ARID5B: variants seen among roughly 807,000 people sequenced by gnomAD.
The protein encoded by ARID5B is AT-rich interactive domain-containing protein 5B.
Under a neutral mutation model 97.2 loss-of-function variants are expected in ARID5B, and 13 were observed. That is an observed-to-expected ratio of 0.13 (90% CI 0.09 to 0.21). ARID5B has a LOEUF of 0.21. ARID5B is among the 10% of genes least tolerant of loss of function. ARID5B has a pLI of 1.00. For synonymous variants in ARID5B, 556 were observed against 570.3 expected (o/e 0.97, Z 0.36); for missense variants, 1,210 against 1,465.3 (o/e 0.83, Z 2.84).
intron 3 of ARID5B, among the ~76,000 whole-genome samples, chr10:61,981,687 T>C (rs1223600614): frequency 6.6e-6 from 1 of 152,210 alleles, no homozygotes; most frequent in East Asian, 1.9e-4. Context: ...AAACTGGACC[T>C]TATCTTACCT....
intron 2 of ARID5B, 115 bp from the exon 3 acceptor site, chr10:61,940,068 C>T (rs972683290): frequency 1.2e-5 from 10 of 838,208 alleles, no homozygotes; most frequent in Non-Finnish European, 5.9e-6. Context: ...ACACAGTCTC[C>T]TTGCATTAGG....
At chr10:61,919,858 T>A (rs80148569) in intron 2 of ARID5B, among the ~76,000 whole-genome samples, 9 of 152,108 alleles carry the variant, frequency 5.9e-5, no homozygotes, top group Admixed American at 5.9e-4. Context: ...TTTTTTTTTT[T>A]AAATGCAGAT....
intron 3 of ARID5B, among the ~76,000 whole-genome samples, chr10:61,972,481 G>A (rs552821258): frequency 5.9e-5 from 9 of 152,022 alleles, no homozygotes; most frequent in East Asian, 5.8e-4. Context: ...CACCTGCCTC[G>A]GCCTCCCAAA....
intron 3 of ARID5B, among the ~76,000 whole-genome samples, chr10:61,950,090 C>A (rs1430182814): frequency 1.3e-5 from 2 of 152,196 alleles, no homozygotes; most frequent in Non-Finnish European, 2.9e-5. Context: ...AGACTGCAAC[C>A]TCTGCCTTCC....
Position 62,090,884 on chromosome 10 carries a change from A to T in ARID5B, c.1421A>T (p.Glu474Val), listed in dbSNP as rs1329998518. Residue 474 changes from glutamate to valine, a missense_variant, in exon 10 of 10, where the codon GAA (glutamate) becomes GTA (valine). Physicochemically the swap from Glu to Val is moderately radical, Grantham distance 121. Transcript: ENST00000279873. ...CAGGTTTCATCAGAGCAAGAAAAAG[A>T]ACAAGAGACTTTAATAAGCCAGAAA... ...AAEVSSEQEK[E>V]QETLISQKSI... is the part of the protein sequence containing the mutation. The T allele has an allele frequency of 6.3e-7, 1 of 1,588,782 alleles. No individual in the cohort carries two copies. Among genetic ancestry groups the T allele is most frequent in the Admixed American group, 1.9e-5 (1 of 51,856 alleles).
At chr10:62,013,276 C>T (rs1219977354) in intron 4 of ARID5B, among the ~76,000 whole-genome samples, 2 of 152,068 alleles carry the variant, frequency 1.3e-5, no homozygotes, top group Non-Finnish European at 2.9e-5. Context: ...CTGCCTCAGA[C>T]CTTCAGAATT....
intron 3 of ARID5B, among the ~76,000 whole-genome samples, chr10:61,977,011 C>T (rs1008982238): frequency 3.9e-5 from 6 of 152,282 alleles, no homozygotes; most frequent in Admixed American, 3.9e-4. Context: ...CCTCTCCCCT[C>T]CCCTCACCCC....
At position 61,965,192 on chromosome 10, in the gene ARID5B, T is replaced by G. The variant is rs77212316; in HGVS notation, c.502+24784T>G. ...TTACAGTCCAAAGGGGCAGGGTATT[T>G]TTTTTATAGTTTTATGACCCTTGGC... On this transcript the variant is annotated intron_variant, in intron 3 of 9. Coordinates refer to ENST00000279873, the MANE Select transcript of ARID5B (RefSeq NM_032199.3). 4.8e-3 allele frequency among the ~76,000 whole-genome samples: 738 copies of G among 152,306 alleles called. 6 individuals carry two copies. The highest frequency in any genetic ancestry group is 0.048 in the Middle Eastern group (14 of 294).
chr10:61,978,576 A>AAC, intron 3 of ARID5B, among the ~76,000 whole-genome samples: 1 of 152,188 alleles, frequency 6.6e-6, no homozygotes, highest in South Asian at 2.1e-4. Context: ...GGTCCTTCAC[A>AAC]TCCCTTGTAA....
chr10:62,023,694 G>A (rs772835148), intron 4 of ARID5B, among the ~76,000 whole-genome samples: 5 of 152,200 alleles, frequency 3.3e-5, no homozygotes, highest in African/African-American at 4.8e-5. Flanking sequence ...AAGTAGCGAT[G>A]TGATATTAAT....
At chr10:62,045,041 A>T (rs920641962) in intron 4 of ARID5B, among the ~76,000 whole-genome samples, 2 of 152,254 alleles carry the variant, frequency 1.3e-5, no homozygotes, top group Admixed American at 1.3e-4. Flanking sequence ...ATAACTGTGG[A>T]TTTGAAATAA....
intron 4 of ARID5B, among the ~76,000 whole-genome samples, chr10:62,006,777 CAT>C (rs2132874754): frequency 6.6e-6 from 1 of 152,276 alleles, no homozygotes; most frequent in Non-Finnish European, 1.5e-5. Flanking sequence ...AATTTACAGT[CAT>C]AATATATGGA....
Position 62,093,668 on chromosome 10 carries a change from T to A in ARID5B, c.*638T>A. 4.4e-6 allele frequency: 1 copy of A among 228,424 alleles called. No homozygotes were observed. Among genetic ancestry groups the A allele is most frequent in the Non-Finnish European group, 8.6e-6 (1 of 116,008 alleles). 14.1% of individuals were successfully genotyped at this position (228,424 alleles called of 1,614,324 possible). A position where few individuals can be genotyped will look rare whatever the true frequency, so the allele number is the denominator to read the frequency against. ...CTTCTCGTCTTTTTTTTTTTTTTTT[T>A]TTTTTTTTTTATTAAATGGTATTGC... On this transcript the variant is annotated 3_prime_UTR_variant, in exon 10 of 10. Coordinates refer to ENST00000279873, the MANE Select transcript of ARID5B (RefSeq NM_032199.3).
Position 62,079,708 on chromosome 10 carries a change from G to C in ARID5B, c.1200-5994G>C, listed in dbSNP as rs189038996. On this transcript the variant is annotated intron_variant, in intron 8 of 9. Coordinates refer to ENST00000279873, the MANE Select transcript of ARID5B (RefSeq NM_032199.3). ...TCATTTAGGGTCACACACACTCCGG[G>C]ACCATGGAGGGAGGTATCAGAATTA... 2.3e-3 allele frequency among the ~76,000 whole-genome samples: 349 copies of C among 152,232 alleles called. 2 individuals are homozygous for C. The highest frequency in any genetic ancestry group is 3.4e-3 in the Non-Finnish European group (229 of 68,016).
rs144986094 is a variant in ARID5B, at chr10:61,966,597, C to T, written c.502+26189C>T. On this transcript the variant is annotated intron_variant, in intron 3 of 9. Coordinates refer to ENST00000279873, the MANE Select transcript of ARID5B (RefSeq NM_032199.3). ...ACATGGACCAAATACCCTGGCTTTA[C>T]CACATTTTCCCGTTGAGACTAGTTC... Among the ~76,000 whole-genome samples, 117 of 152,170 alleles carry T rather than the reference C, an allele frequency of 7.7e-4. 4 individuals carry two copies. In the East Asian group the frequency reaches 0.019, roughly 25 times the overall value.
intron 3 of ARID5B, among the ~76,000 whole-genome samples, chr10:61,973,347 TG>T (rs1258011745): frequency 2.0e-5 from 3 of 152,254 alleles, no homozygotes; most frequent in Non-Finnish European, 4.4e-5. Flanking sequence ...CAAAAGGTTT[TG>T]TAGCCAATGA....
chr10:61,953,217 C>G (rs923681694), intron 3 of ARID5B, among the ~76,000 whole-genome samples: 1 of 152,166 alleles, frequency 6.6e-6, no homozygotes, highest in African/African-American at 2.4e-5. Flanking sequence ...AGAAAGTATT[C>G]TGTTAGGCCT....
At chr10:62,045,658 C>T (rs1451815736) in intron 4 of ARID5B, among the ~76,000 whole-genome samples, 1 of 152,054 alleles carries the variant, frequency 6.6e-6, no homozygotes, top group South Asian at 2.1e-4. Flanking sequence ...ACTATGTTAA[C>T]CAGGCTGGTC....
chr10:62,001,169 T>C (rs530371669), intron 4 of ARID5B, among the ~76,000 whole-genome samples: 2 of 152,324 alleles, frequency 1.3e-5, no homozygotes, highest in Admixed American at 6.5e-5. Flanking sequence ...ATCATATCAG[T>C]GGTTTTCAGC....
Sources: allele counts gnomAD v4.1 joint callset (sites outside exome capture counted in the v4.1 genomes callset), GRCh38; gene constraint gnomAD v4.1.1; transcripts MANE v1.5; gene names NCBI Gene and HGNC (gene_info 2026-07-23, HGNC 2026-07-21).